The following RBMS3 variants were observed in gnomAD, a reference collection of about 807,000 sequenced individuals.
The protein encoded by RBMS3 is RNA binding motif single stranded interacting protein 3, also known as RNA-binding motif, single-stranded-interacting protein 3.
Under a neutral mutation model 66.8 loss-of-function variants are expected in RBMS3, and 27 were observed. The observed-to-expected ratio is 0.40, with a 90% CI of 0.30 to 0.56. The LOEUF (loss-of-function observed/expected upper bound fraction) is 0.56, where lower values mean the gene tolerates loss of function less well. Ranked by LOEUF, RBMS3 falls within the 20% of genes least tolerant of loss-of-function variation. The pLI is 0.40. For missense variants in RBMS3, 513 were observed against 549.5 expected (o/e 0.93, Z 0.66); for synonymous variants, 188 against 183.0 (o/e 1.03, Z -0.22).
At chr3:29,701,990 C>A (rs2052619457) in intron 4 of RBMS3, among the ~76,000 whole-genome samples, 1 of 152,242 alleles carries the variant, frequency 6.6e-6, no homozygotes, top group Non-Finnish European at 1.5e-5. Flanking sequence ...CTAAGGAAAG[C>A]CAGCTGGGTT....
chr3:29,857,026 T>C (rs1437131059), intron 6 of RBMS3, among the ~76,000 whole-genome samples: 2 of 152,202 alleles, frequency 1.3e-5, no homozygotes, highest in African/African-American at 2.4e-5. Context: ...TCATTACACC[T>C]GTAAATCTTT....
rs558839351 is a variant in RBMS3 at position 29,444,788 on chromosome 3, C to CTTTTTTTTTTTTTTTTTTTT, written c.248+9878_248+9897dup. Among the ~76,000 whole-genome samples, 18 of 50,500 alleles carry CTTTTTTTTTTTTTTTTTTTT rather than the reference C, an allele frequency of 3.6e-4. 1 individual carries two copies. Among genetic ancestry groups the CTTTTTTTTTTTTTTTTTTTT allele is most frequent in the Admixed American group, 9.7e-4 (3 of 3,090 alleles). The allele number at this position is 50,500 out of a possible 152,430, so 33.1% of individuals were successfully genotyped here. A position where few individuals can be genotyped will look rare whatever the true frequency, so the allele number is the denominator to read the frequency against. ...AATTCTTTCAAGCGGAAATATATGC[C>CTTTTTTTTTTTTTTTTTTTT]TTTTTTTTTTTTTTTTTTTTTTTTG... is the stretch of plus-strand genomic sequence containing the variant. On this transcript the variant is annotated intron_variant, in intron 2 of 14. Transcript: ENST00000383767.
chr3:29,511,007 A>T (rs2044378814), intron 3 of RBMS3, among the ~76,000 whole-genome samples: 1 of 152,248 alleles, frequency 6.6e-6, no homozygotes, highest in Non-Finnish European at 1.5e-5. Flanking sequence ...TAAAATAAAA[A>T]GTTAATTTTG....
At chr3:29,904,590 T>A (rs776353955) in intron 10 of RBMS3, among the ~76,000 whole-genome samples, 2 of 152,006 alleles carry the variant, frequency 1.3e-5, no homozygotes, top group African/African-American at 2.4e-5. Flanking sequence ...TACACCCTAG[T>A]GAGAAAACGT....
chr3:29,691,931 TTC>T (rs146758867), intron 4 of RBMS3, among the ~76,000 whole-genome samples: 2,952 of 114,722 alleles, frequency 0.026, 59 homozygotes, highest in Admixed American at 0.054. Flanking sequence ...TGTGTGACCC[TTC>T]TCTCTCTCTC....
At chr3:29,725,487 AAAAG>A (rs199732663) in intron 4 of RBMS3, among the ~76,000 whole-genome samples, 13,279 of 152,020 alleles carry the variant, frequency 0.087, 1,027 homozygotes, top group African/African-American at 0.21. Context: ...AGTAAAGAAG[AAAAG>A]AAAGAGAGAA....
chr3:29,354,049 T>C (rs1184679806), intron 1 of RBMS3, among the ~76,000 whole-genome samples: 1 of 152,140 alleles, frequency 6.6e-6, no homozygotes, highest in African/African-American at 2.4e-5. Context: ...GTTTTCTTTT[T>C]GGTTTGTTGG....
chr3:29,551,366 AAG>A (rs1269213789), intron 3 of RBMS3, among the ~76,000 whole-genome samples: 7 of 152,234 alleles, frequency 4.6e-5, no homozygotes, highest in Non-Finnish European at 8.8e-5. Context: ...TAAATTTGTC[AAG>A]AGAGTTATAA....
At chr3:29,803,264 T>C (rs2057443743) in intron 6 of RBMS3, among the ~76,000 whole-genome samples, 1 of 152,186 alleles carries the variant, frequency 6.6e-6, no homozygotes, top group Non-Finnish European at 1.5e-5. Flanking sequence ...TTCACCTGCA[T>C]AATGTATGAT....
At chr3:29,511,081 T>A (rs9816452) in intron 3 of RBMS3, among the ~76,000 whole-genome samples, 1 of 151,990 alleles carries the variant, frequency 6.6e-6, no homozygotes, top group Non-Finnish European at 1.5e-5. Context: ...GGTGGATCAC[T>A]AGGTGAGGAG....
chr3:29,475,295 C>T (rs1261728278), intron 2 of RBMS3, among the ~76,000 whole-genome samples: 1 of 150,450 alleles, frequency 6.6e-6, no homozygotes, highest in Non-Finnish European at 1.5e-5. Flanking sequence ...GTCACCCAGG[C>T]TGGAGTGCAA....
At chr3:29,823,556 A>G (rs2058127185) in intron 6 of RBMS3, among the ~76,000 whole-genome samples, 2 of 152,184 alleles carry the variant, frequency 1.3e-5, no homozygotes, top group Non-Finnish European at 2.9e-5. Flanking sequence ...AACTTCCTAC[A>G]ATGACAGAAA....
intron 3 of RBMS3, among the ~76,000 whole-genome samples, chr3:29,496,446 T>C (rs995728042): frequency 2.0e-5 from 3 of 152,220 alleles, no homozygotes; most frequent in African/African-American, 7.2e-5. Context: ...GCAGGAACTT[T>C]GGAACCTTCA....
In RBMS3 at chr3:30,006,618, C is replaced by G. The variant is rs910843540; in HGVS notation, c.*2756C>G. On this transcript the variant is annotated 3_prime_UTR_variant, in exon 15 of 15. Coordinates refer to ENST00000383767, the MANE Select transcript of RBMS3 (RefSeq NM_001003793.3). ...GGTACAAAAAGACATGTATGAGAAC[C>G]ATATTTTCTGTTTCTCTTTTTCACT... The G allele has an allele frequency of 1.1e-4, 16 of 151,758 alleles. No homozygotes were observed. Among genetic ancestry groups the G allele is most frequent in the African/African-American group, 3.6e-4 (15 of 41,376 alleles). 9.4% of individuals were successfully genotyped at this position (151,758 alleles called of 1,614,324 possible).
chr3:29,968,637 G>A (rs1337028080), intron 12 of RBMS3, among the ~76,000 whole-genome samples: 1 of 152,240 alleles, frequency 6.6e-6, no homozygotes. Context: ...GTGGGGGTGT[G>A]TGCTCAGGAG....
At chr3:29,997,026 C>G (rs571370513) in intron 14 of RBMS3, among the ~76,000 whole-genome samples, 2,094 of 151,476 alleles carry the variant, frequency 0.014, 25 homozygotes, top group African/African-American at 0.029. Flanking sequence ...GCTAGCAAGA[C>G]TAATAAAGAA....
At chr3:29,646,354 C>T (rs576466053) in intron 4 of RBMS3, among the ~76,000 whole-genome samples, 25 of 152,236 alleles carry the variant, frequency 1.6e-4, no homozygotes, top group African/African-American at 5.5e-4. Context: ...ATTTCAGGTT[C>T]AATACTAGAA....
intron 5 of RBMS3, among the ~76,000 whole-genome samples, chr3:29,752,222 A>G (rs1361804480): frequency 6.6e-6 from 1 of 152,270 alleles, no homozygotes; most frequent in Middle Eastern, 3.4e-3. Flanking sequence ...GAACTCTTCT[A>G]TGAAATTCTG....
chr3:29,709,620 T>C (rs2053068617), intron 4 of RBMS3, among the ~76,000 whole-genome samples: 1 of 152,190 alleles, frequency 6.6e-6, no homozygotes, highest in Admixed American at 6.5e-5. Context: ...TGCTGCCAAT[T>C]CAATTATCTA....
Sources: allele counts gnomAD v4.1 joint callset (sites outside exome capture counted in the v4.1 genomes callset), GRCh38; gene constraint gnomAD v4.1.1; transcripts MANE v1.5; gene names NCBI Gene and HGNC (gene_info 2026-07-23, HGNC 2026-07-21).